FUT8: variants seen among roughly 807,000 people sequenced by gnomAD.
The protein encoded by FUT8 is alpha-(1,6)-fucosyltransferase.
Under a neutral mutation model 71.3 loss-of-function variants are expected in FUT8, and 29 were observed. The observed-to-expected ratio is 0.41, with a 90% CI of 0.30 to 0.55. The LOEUF (loss-of-function observed/expected upper bound fraction) is 0.55. Ranked by LOEUF, FUT8 falls within the 20% of genes least tolerant of loss-of-function variation. FUT8 has a pLI of 0.34. For missense variants in FUT8, 544 were observed against 702.1 expected (o/e 0.77, Z 2.55); for synonymous variants, 254 against 239.3 (o/e 1.06, Z -0.57).
the FUT8 span, among the ~76,000 whole-genome samples, chr14:65,376,087 T>G: frequency 6.8e-6 from 1 of 148,144 alleles, no homozygotes; most frequent in African/African-American, 2.5e-5. Context: ...TGAGACCCTG[T>G]CTCAAAAAAA....
the FUT8 span, among the ~76,000 whole-genome samples, chr14:65,379,155 A>C: frequency 6.6e-6 from 1 of 152,118 alleles, no homozygotes; most frequent in African/African-American, 2.4e-5. Context: ...CCAACACAAG[A>C]AGCTTTTTAA....
At chr14:65,533,627 AT>A (rs369541870) in intron 2 of FUT8, among the ~76,000 whole-genome samples, 5 of 150,198 alleles carry the variant, frequency 3.3e-5, no homozygotes, top group Non-Finnish European at 5.9e-5. Flanking sequence ...TATGCCCTTT[AT>A]TTTTTTTTCT....
chr14:65,468,768 C>A (rs2066087807), intron 2 of FUT8, among the ~76,000 whole-genome samples: 1 of 151,998 alleles, frequency 6.6e-6, no homozygotes, highest in African/African-American at 2.4e-5. Context: ...CCTTCCTCGC[C>A]TCCCCTCTTC....
chr14:65,693,769 C>T (rs530995202), intron 7 of FUT8, among the ~76,000 whole-genome samples: 1 of 152,310 alleles, frequency 6.6e-6, no homozygotes, highest in Non-Finnish European at 1.5e-5. Flanking sequence ...GAATTGGCAT[C>T]ATTTGTTCCT....
chr14:65,701,623 T>C (rs1894300116), intron 7 of FUT8, among the ~76,000 whole-genome samples: 1 of 152,232 alleles, frequency 6.6e-6, no homozygotes, highest in African/African-American at 2.4e-5. Context: ...TGTCTTTAGC[T>C]ATTATTTTTC....
At chr14:65,468,911 C>T (rs1180493550) in intron 2 of FUT8, among the ~76,000 whole-genome samples, 1 of 152,096 alleles carries the variant, frequency 6.6e-6, no homozygotes, top group Non-Finnish European at 1.5e-5. Context: ...GATTCTCCCT[C>T]CTCAGCTTCT....
intron 6 of FUT8, 70 bp downstream of exon 6, chr14:65,629,676 A>T (rs947520901): frequency 1.8e-6 from 2 of 1,092,504 alleles, no homozygotes; most frequent in Non-Finnish European, 2.8e-6. Context: ...AAGAGTAATA[A>T]TTTCAGTTGT....
intron 3 of FUT8, among the ~76,000 whole-genome samples, chr14:65,591,795 C>T (rs1346376595): frequency 1.3e-5 from 2 of 149,402 alleles, no homozygotes; most frequent in African/African-American, 4.9e-5. Context: ...AGTATTGTGG[C>T]ATGTAAACCA....
rs1379345129 is a variant in FUT8, at chr14:65,545,362, C to T, written c.-227-15975C>T. ...TGGATTATGTATGTACTATATATGG[C>T]TCTTAAAATGTTTGTACATTATAAT... is the stretch of plus-strand genomic sequence containing the variant. On this transcript the variant is annotated intron_variant, in intron 2 of 10. Coordinates refer to ENST00000673929, the MANE Select transcript of FUT8 (RefSeq NM_001371533.1). 2.6e-5 allele frequency among the ~76,000 whole-genome samples: 4 copies of T among 151,804 alleles called. No homozygotes were observed. The South Asian group carries it at 8.3e-4, about 32-fold the overall frequency.
rs75541602 is a variant in FUT8 at position 65,485,800 on chromosome 14, C to T, written c.-228+30082C>T. ...TCATCAACTCAAGTTAGTTTATCCA[C>T]GCACCTAGCTCCCCTTGGATTTCTT... On this transcript the variant is annotated intron_variant, in intron 2 of 10. Coordinates refer to ENST00000673929, the MANE Select transcript of FUT8 (RefSeq NM_001371533.1). Among the ~76,000 whole-genome samples the T allele has an allele frequency of 7.4e-3, 1,123 of 152,318 alleles. 13 individuals are homozygous for T. The highest frequency in any genetic ancestry group is 0.035 in the East Asian group (182 of 5,186).
intron 5 of FUT8, among the ~76,000 whole-genome samples, chr14:65,621,752 G>T (rs1300508351): frequency 1.3e-5 from 2 of 152,064 alleles, no homozygotes; most frequent in African/African-American, 4.8e-5. Flanking sequence ...GTAGAGACAG[G>T]GTTTCTCCAT....
intron 2 of FUT8, among the ~76,000 whole-genome samples, chr14:65,521,880 T>G (rs1883102841): frequency 6.6e-6 from 1 of 152,020 alleles, no homozygotes; most frequent in South Asian, 2.1e-4. Context: ...TTTTTTTTTT[T>G]TTTAAATTCA....
rs1314871966 is a variant in FUT8, at chr14:65,724,258, A to G, written c.1194A>G (p.Gln398=). Residue 398 remains glutamine (Q), a synonymous_variant, in exon 9 of 11, where the codon CAA becomes CAG. Transcript: ENST00000673929. ...TTCAGCTTCTTGCACGCAGAATGCAAGTGGACAAAAAAAGAGTGTATTTGG... is the reference window on the plus strand; with the variant it reads ...TTCAGCTTCTTGCACGCAGAATGCAGGTGGACAAAAAAAGAGTGTATTTGG... ...EHFQLLARRM[Q]VDKKRVYLAT... 24 of 1,613,404 alleles carry G rather than the reference A, an allele frequency of 1.5e-5. No homozygotes were observed. Among genetic ancestry groups the G allele is most frequent in the Non-Finnish European group, 2.0e-5 (24 of 1,179,852 alleles).
At chr14:65,564,621 A>G (rs2140055444) in intron 3 of FUT8, among the ~76,000 whole-genome samples, 1 of 152,076 alleles carries the variant, frequency 6.6e-6, no homozygotes, top group African/African-American at 2.4e-5. Flanking sequence ...ACCATCACAA[A>G]AACTATAGAT....
Position 65,721,876 on chromosome 14 carries a change from G to T in FUT8, c.937G>T (p.Ala313Ser), listed in dbSNP as rs150267898. 1 of 1,614,006 alleles carries T rather than the reference G, an allele frequency of 6.2e-7. No individual in the cohort carries two copies. The highest frequency in any genetic ancestry group is 1.3e-5 in the African/African-American group (1 of 74,906). The change falls in exon 8 of 11, where the codon GCA (alanine) becomes TCA (serine). Residue 313 changes from alanine (A) to serine (S), a missense_variant. Physicochemically the swap from Ala to Ser is moderately conservative, Grantham distance 99 (BLOSUM62 1). Transcript: ENST00000673929. ...ACCCTTGGCTGTACCAGAAGACCTCGCAGATCGACTTGTACGAGTGCATGG... is the reference window on the plus strand; with the variant it reads ...ACCCTTGGCTGTACCAGAAGACCTCTCAGATCGACTTGTACGAGTGCATGG... ...YLPLAVPEDLADRLVRVHGDP... is the reference protein window; with the variant it reads ...YLPLAVPEDLSDRLVRVHGDP...
chr14:65,694,903 G>T (rs529176584), intron 7 of FUT8, among the ~76,000 whole-genome samples: 36 of 111,608 alleles, frequency 3.2e-4, no homozygotes, highest in Admixed American at 5.9e-4. Context: ...TGGGGTGGGG[G>T]GAGGGGGGAG....
intron 1 of FUT8, among the ~76,000 whole-genome samples, chr14:65,447,291 C>CAA (rs999240365): frequency 2.3e-4 from 19 of 81,770 alleles, no homozygotes; most frequent in Admixed American, 9.2e-4. Flanking sequence ...GAGACTCTCT[C>CAA]AAAAAAAAAA....
chr14:65,543,508 T>C (rs544715898), intron 2 of FUT8, among the ~76,000 whole-genome samples: 1 of 152,302 alleles, frequency 6.6e-6, no homozygotes, highest in African/African-American at 2.4e-5. Context: ...ATTTGTGTTA[T>C]AATAGAGAAT....
intron 1 of FUT8, among the ~76,000 whole-genome samples, chr14:65,440,325 T>A (rs1467119594): frequency 6.6e-6 from 1 of 151,802 alleles, no homozygotes; most frequent in African/African-American, 2.4e-5. Context: ...GTTGTATACT[T>A]GAAAATTGCT....
Sources: gnomAD v4.1 joint callset for allele counts (sites outside exome capture counted in the v4.1 genomes callset) on GRCh38, gnomAD v4.1.1 for gene constraint, MANE v1.5 for transcripts, NCBI Gene and HGNC (gene_info 2026-07-23, HGNC 2026-07-21) for gene names.